The following ATE1 variants were observed in gnomAD, a reference collection of about 807,000 sequenced individuals.
The protein encoded by ATE1 is arginyltransferase 1.
A neutral mutation model predicts 70.5 loss-of-function variants in ATE1; 36 were observed. That is an observed-to-expected ratio of 0.51 (90% CI 0.39 to 0.67). ATE1 has a LOEUF of 0.67. Among genes scored for constraint, ATE1 ranks in the 30% least tolerant of loss-of-function variants. ATE1 has a pLI of 0.00. For missense variants in ATE1, 593 were observed against 629.5 expected (o/e 0.94, Z 0.62); for synonymous variants, 232 against 219.3 (o/e 1.06, Z -0.51).
intron 7 of ATE1, among the ~76,000 whole-genome samples, chr10:121,893,806 A>C (rs2134227115): frequency 6.7e-6 from 1 of 149,456 alleles, no homozygotes. Flanking sequence ...CGTTTAATAC[A>C]CTAGAAAATA....
chr10:121,846,287 T>C (rs963131823), intron 8 of ATE1, among the ~76,000 whole-genome samples: 1 of 152,136 alleles, frequency 6.6e-6, no homozygotes, highest in South Asian at 2.1e-4. Flanking sequence ...GAGATAAATA[T>C]TCATTAGTCC....
Position 121,828,422 on chromosome 10 carries a change from G to A in ATE1, c.1257+8296C>T, listed in dbSNP as rs548470762. On this transcript the variant is annotated intron_variant, in intron 10 of 11. Transcript: ENST00000224652. ...GGTGGGTTTTCTTCTGGTCTGTCTC[G>A]AGCTCAGTCACGCAGGTGCATTCAG... Among the ~76,000 whole-genome samples the A allele has an allele frequency of 1.1e-3, 166 of 152,202 alleles. 1 individual carries two copies. Among genetic ancestry groups the A allele is most frequent in the African/African-American group, 3.6e-3 (149 of 41,506 alleles).
At position 121,924,341 on chromosome 10, in the gene ATE1, A is replaced by G. The variant is rs1951996297; in HGVS notation, c.107-12T>C. Reference sequence around the variant, plus strand: ...ATGTGCCCACATGCCTGAAAAAATAAGTAGTGTGTTAATTACGGCAGGGTA... The same window carrying G: ...ATGTGCCCACATGCCTGAAAAAATAGGTAGTGTGTTAATTACGGCAGGGTA... On this transcript the variant is annotated splice_polypyrimidine_tract_variant and intron_variant, in intron 1 of 11. Transcript: ENST00000224652. The G allele has an allele frequency of 1.2e-6, 2 of 1,612,014 alleles. No homozygotes were observed. The highest frequency in any genetic ancestry group is 1.7e-5 in the Admixed American group (1 of 59,994).
chr10:121,810,461 G>A (rs1358833359), intron 10 of ATE1, among the ~76,000 whole-genome samples: 2 of 151,974 alleles, frequency 1.3e-5, no homozygotes, highest in Admixed American at 6.6e-5. Context: ...TAGTAGAGAC[G>A]GGGTTTCACC....
At chr10:121,766,660 C>A (rs11200138) in intron 11 of ATE1, among the ~76,000 whole-genome samples, 2 of 151,902 alleles carry the variant, frequency 1.3e-5, no homozygotes, top group African/African-American at 4.8e-5. Context: ...AGGAAAGGGG[C>A]GGCCTACACA....
At chr10:121,765,705 C>CT (rs1811288578) in intron 11 of ATE1, among the ~76,000 whole-genome samples, 1 of 152,202 alleles carries the variant, frequency 6.6e-6, no homozygotes, top group Admixed American at 6.5e-5. Context: ...TCTGCTCCCA[C>CT]TAAGGCTTCA....
At chr10:121,755,348 A>G (rs1034877772) in intron 11 of ATE1, among the ~76,000 whole-genome samples, 2 of 152,248 alleles carry the variant, frequency 1.3e-5, no homozygotes, top group African/African-American at 4.8e-5. Context: ...GGTGCAATAT[A>G]TCAGAAACTT....
At chr10:121,855,504 G>A (rs552509342) in intron 8 of ATE1, among the ~76,000 whole-genome samples, 2 of 152,264 alleles carry the variant, frequency 1.3e-5, no homozygotes, top group East Asian at 3.9e-4. Context: ...GTGTTTACTT[G>A]TGATCTATAG....
chr10:121,883,476 G>A (rs1950287114), intron 7 of ATE1, among the ~76,000 whole-genome samples: 1 of 152,064 alleles, frequency 6.6e-6, no homozygotes, highest in African/African-American at 2.4e-5. Flanking sequence ...AGGATAAAGG[G>A]GACAACAGAG....
rs540111641 is a variant in ATE1 at position 121,915,782 on chromosome 10, T to C, written c.234-1889A>G. ...GGCGGGCACCTGTAGTTCCAGCTACTTGGGAGGCTGAGGCAGGAGAATGGC... is the reference window on the plus strand; with the variant it reads ...GGCGGGCACCTGTAGTTCCAGCTACCTGGGAGGCTGAGGCAGGAGAATGGC... On this transcript the variant is annotated intron_variant, in intron 3 of 11. Coordinates refer to ENST00000224652, the MANE Select transcript of ATE1 (RefSeq NM_001001976.3). 5.3e-5 allele frequency among the ~76,000 whole-genome samples: 8 copies of C among 150,578 alleles called. No homozygotes were observed. In the South Asian group the frequency reaches 1.7e-3, roughly 32 times the overall value.
At chr10:121,808,097 C>T (rs1249002659) in intron 10 of ATE1, among the ~76,000 whole-genome samples, 1 of 152,174 alleles carries the variant, frequency 6.6e-6, no homozygotes, top group Non-Finnish European at 1.5e-5. Flanking sequence ...TGGGGATCTA[C>T]ACATCTGTAA....
intron 8 of ATE1, chr10:121,846,730 AAATAAATAAAT>A: frequency 6.6e-6 from 1 of 151,778 alleles, no homozygotes; most frequent in Non-Finnish European, 1.5e-5. Context: ...ATAAATAAAT[AAATAAATAAAT>A]AAAATGTTAT....
intron 11 of ATE1, among the ~76,000 whole-genome samples, chr10:121,744,836 T>C (rs1405028638): frequency 1.3e-5 from 2 of 152,222 alleles, no homozygotes; most frequent in South Asian, 2.1e-4. Flanking sequence ...TTCTGGCCAA[T>C]GGGATACAAG....
In ATE1 at chr10:121,924,737, T is replaced by C. The variant is rs1952020476; in HGVS notation, c.107-408A>G. On this transcript the variant is annotated intron_variant, in intron 1 of 11. Coordinates refer to ENST00000224652, the MANE Select transcript of ATE1 (RefSeq NM_001001976.3). ...AAAAATAGGAGTGTTTAGGTTAAAA[T>C]TCCAAAACACTCATATTGGATAAAT... Among the ~76,000 whole-genome samples the C allele has an allele frequency of 2.0e-5, 3 of 150,354 alleles. No individual in the cohort carries two copies. The South Asian group carries it at 6.3e-4, about 32-fold the overall frequency.
chr10:121,907,769 GA>G lies in ATE1; in HGVS notation c.583+3136del, dbSNP rs539648983. Among the ~76,000 whole-genome samples the G allele has an allele frequency of 6.4e-3, 889 of 138,234 alleles. 10 individuals carry two copies. Among genetic ancestry groups the G allele is most frequent in the African/African-American group, 0.021 (809 of 37,802 alleles). The allele number at this position is 138,234 out of a possible 152,430, so 90.7% of individuals were successfully genotyped here. ...AGGTGACAGAGCGAGACTCCGTCTC[GA>G]AAAAAAAAAAAGATTAAAATGCTGT... On this transcript the variant is annotated intron_variant, in intron 5 of 11. Coordinates refer to ENST00000224652, the MANE Select transcript of ATE1 (RefSeq NM_001001976.3).
chr10:121,911,146 G>A lies in ATE1; in HGVS notation c.343C>T (p.Pro115Ser). The A allele has an allele frequency of 6.2e-7, 1 of 1,604,528 alleles. No individual in the cohort carries two copies. Among genetic ancestry groups the A allele is most frequent in the East Asian group, 2.2e-5 (1 of 44,754 alleles). ...EVPKGSCEDEPMDSTMDDAVA... is the reference protein window; with the variant it reads ...EVPKGSCEDESMDSTMDDAVA... ...GCATCATCCATTGTGGAATCCATGG[G>A]CTCATCTACAAATCAGAAGAAATTA... The change falls in exon 5 of 12, where the codon CCC becomes TCC. Residue 115 changes from proline to serine, a missense_variant. This residue lies in a region of ATE1 where 467 missense variants were observed against 469.6 expected (regional missense o/e 0.99). Coordinates refer to ENST00000224652, the MANE Select transcript of ATE1 (RefSeq NM_001001976.3).
At chr10:121,797,273 G>T (rs1371256283) in intron 10 of ATE1, among the ~76,000 whole-genome samples, 2 of 152,190 alleles carry the variant, frequency 1.3e-5, no homozygotes, top group Admixed American at 1.3e-4. Flanking sequence ...AACTGATACA[G>T]AGGAGGAGCA....
At chr10:121,893,276 C>CAAA (rs771745075) in intron 7 of ATE1, among the ~76,000 whole-genome samples, 2 of 46,690 alleles carry the variant, frequency 4.3e-5, no homozygotes, top group African/African-American at 7.1e-5. Flanking sequence ...GACTTAGTCT[C>CAAA]AAAAAAAAAA....
At chr10:121,858,679 A>ATATATATAATATATATT (rs1414359452) in intron 8 of ATE1, among the ~76,000 whole-genome samples, 5 of 9,100 alleles carry the variant, frequency 5.5e-4, no homozygotes, top group East Asian at 7.9e-3. Flanking sequence ...TAATATATAT[A>ATATATATAATATATATT]TTTTTATATA....
Sources: gnomAD v4.1 joint callset for allele counts (sites outside exome capture counted in the v4.1 genomes callset) on GRCh38, gnomAD v4.1.1 for gene constraint, gnomAD v4.1.1 regional missense constraint, MANE v1.5 for transcripts, NCBI Gene and HGNC (gene_info 2026-07-23, HGNC 2026-07-21) for gene names.